The following POLN variants were observed in gnomAD, a reference collection of about 807,000 sequenced individuals.
The protein encoded by POLN is DNA polymerase nu.
Under a neutral mutation model 113.5 loss-of-function variants are expected in POLN, and 108 were observed. The ratio of observed to expected loss-of-function variants is 0.95; its 90% CI spans 0.81 to 1.12. The LOEUF (loss-of-function observed/expected upper bound fraction) is 1.12. Among genes scored for constraint, POLN ranks in the 50% most tolerant of loss-of-function variants. POLN has a pLI of 0.00. For synonymous variants in POLN, 386 were observed against 391.5 expected (o/e 0.99, Z 0.17); for missense variants, 1,097 against 1,077.1 (o/e 1.02, Z -0.26).
rs1396056109 is a variant in POLN, at chr4:2,127,784, G to A, written c.1982+329C>T. The stretch of plus-strand genomic sequence containing the variant: ...GCAGCAAGCACCTTGGCTCTCCTCG[G>A]AGGGCAGTGGCTCACAGCCAGCACC... On this transcript the variant is annotated intron_variant, in intron 19 of 25. Coordinates refer to ENST00000511885, the MANE Select transcript of POLN (RefSeq NM_181808.4). The surrounding 1 kb of genome is among the most constrained non-coding windows in gnomAD (Gnocchi z 4.7). Among the ~76,000 whole-genome samples the A allele has an allele frequency of 1.3e-5, 2 of 152,266 alleles. No homozygotes were observed. The highest frequency in any genetic ancestry group is 2.9e-5 in the Non-Finnish European group (2 of 68,050).
At chr4:2,196,318 G>A (rs142760920) in intron 6 of POLN, among the ~76,000 whole-genome samples, 58 of 152,202 alleles carry the variant, frequency 3.8e-4, no homozygotes, top group African/African-American at 1.3e-3. Context: ...GAAGTGCTGC[G>A]CAAAACAAGC....
At chr4:2,084,256 C>T (rs1447379436) in intron 21 of POLN, among the ~76,000 whole-genome samples, 1 of 152,234 alleles carries the variant, frequency 6.6e-6, no homozygotes, top group Non-Finnish European at 1.5e-5. Context: ...TGGAGTGTCA[C>T]GTATGGTCTG....
chr4:2,205,580 A>C (rs930282320), intron 5 of POLN, among the ~76,000 whole-genome samples: 1 of 152,176 alleles, frequency 6.6e-6, no homozygotes, highest in Non-Finnish European at 1.5e-5. Flanking sequence ...CAGAACTATA[A>C]AAAACAGTCC....
At position 2,157,917 on chromosome 4, in the gene POLN, G is replaced by A. The variant is rs1561051106; in HGVS notation, c.1612-6C>T. On this transcript the variant is annotated splice_region_variant and splice_polypyrimidine_tract_variant and intron_variant, in intron 14 of 25. Transcript: ENST00000511885. ...GTTGACTTGATCTTGTGAACCTAAG[G>A]TGGAAAGACAAGAATAATCATTTTC... 2 of 1,599,962 alleles carry A rather than the reference G, an allele frequency of 1.3e-6. No individual in the cohort carries two copies. The highest frequency in any genetic ancestry group is 1.3e-5 in the African/African-American group (1 of 74,576).
At chr4:2,191,428 G>A (rs889145635) in intron 7 of POLN, among the ~76,000 whole-genome samples, 3 of 152,130 alleles carry the variant, frequency 2.0e-5, no homozygotes, top group Non-Finnish European at 4.4e-5. Context: ...CAGTAAATCA[G>A]TAGAGTGACT....
rs1433791907 is a variant in POLN at position 2,170,748 on chromosome 4, G to T, written c.1485C>A (p.His495Gln). ...REILFGKLKL[H>Q]LLSQRNSLPR... ...GGAGACTGTTCCTTTGACTCAGCAGGTGCAGCTTTAACTTGCCAAAGAGGA... is the reference window on the plus strand; with the variant it reads ...GGAGACTGTTCCTTTGACTCAGCAGTTGCAGCTTTAACTTGCCAAAGAGGA... The change falls in exon 13 of 26, where the codon CAC becomes CAA. Residue 495 changes from histidine (H) to glutamine (Q), a missense_variant. Transcript: ENST00000511885. 1 of 1,614,066 alleles carries T rather than the reference G, an allele frequency of 6.2e-7. No homozygotes were observed. Among genetic ancestry groups the T allele is most frequent in the Non-Finnish European group, 8.5e-7 (1 of 1,180,020 alleles).
Position 2,240,547 on chromosome 4 carries a change from A to T in POLN, c.-13+973T>A, listed in dbSNP as rs1257196673. The stretch of plus-strand genomic sequence containing the variant: ...TCTTCTTTAGCATTTAACCTCAGAG[A>T]TTTGTGGCTAGTTACTGAAGCCATC... On this transcript the variant is annotated intron_variant, in intron 2 of 25. Coordinates refer to ENST00000511885, the MANE Select transcript of POLN (RefSeq NM_181808.4). 3 of 1,613,476 alleles carry T rather than the reference A, an allele frequency of 1.9e-6. No homozygotes were observed. In the African/African-American group the frequency reaches 4.0e-5, roughly 22 times the overall value.
At position 2,127,163 on chromosome 4, in the gene POLN, G is replaced by A. The variant is rs1303614100; in HGVS notation, c.1982+950C>T. 6.6e-6 allele frequency among the ~76,000 whole-genome samples: 1 copy of A among 151,058 alleles called. No homozygotes were observed. Among genetic ancestry groups the A allele is most frequent in the Admixed American group, 6.6e-5 (1 of 15,194 alleles). ...GGGTGAGGGGGCCATAGGGAGGGGTGAGGGGGCCGTAGGGGGAGCAGAAGA... is the reference window on the plus strand; with the variant it reads ...GGGTGAGGGGGCCATAGGGAGGGGTAAGGGGGCCGTAGGGGGAGCAGAAGA... On this transcript the variant is annotated intron_variant, in intron 19 of 25. Transcript: ENST00000511885. The surrounding 1 kb of genome is among the most constrained non-coding windows in gnomAD (Gnocchi z 4.7).
At chr4:2,200,510 G>A (rs773546853) in intron 5 of POLN, among the ~76,000 whole-genome samples, 13 of 152,170 alleles carry the variant, frequency 8.5e-5, no homozygotes, top group East Asian at 3.8e-4. Context: ...ATCCACAACC[G>A]AAAGACCCAC....
chr4:2,098,123 G>A (rs1004600101), intron 19 of POLN, among the ~76,000 whole-genome samples: 2 of 152,178 alleles, frequency 1.3e-5, no homozygotes, highest in African/African-American at 4.8e-5. Context: ...GAAGCAAAAA[G>A]CCAAAATGGG....
intron 13 of POLN, among the ~76,000 whole-genome samples, chr4:2,159,748 C>T (rs888614903): frequency 1.3e-5 from 2 of 152,192 alleles, no homozygotes; most frequent in African/African-American, 4.8e-5. Flanking sequence ...ACCACCTGGA[C>T]TTCTACCACA....
Position 2,072,168 on chromosome 4 carries a change from G to T in POLN, c.2649C>A (p.Ser883=), listed in dbSNP as rs763678138. The T allele has an allele frequency of 1.2e-6, 2 of 1,612,044 alleles. No homozygotes were observed. The highest frequency in any genetic ancestry group is 3.3e-5 in the Admixed American group (2 of 59,986). The part of the protein sequence containing the change: ...SPSNSLAAPG[S]PASTQPPPLH... The stretch of plus-strand genomic sequence containing the variant: ...GGGGTGGGGGCTGGGTGCTGGCAGG[G>T]GACCCAGGGGCAGCCAGGCTGTTGC... The change falls in exon 26 of 26, where the codon TCC becomes TCA. Residue 883 remains serine (S), a synonymous_variant. Coordinates refer to ENST00000511885, the MANE Select transcript of POLN (RefSeq NM_181808.4).
chr4:2,162,050 G>A (rs917595290), intron 13 of POLN, among the ~76,000 whole-genome samples: 1 of 152,196 alleles, frequency 6.6e-6, no homozygotes, highest in Non-Finnish European at 1.5e-5. Flanking sequence ...TCAGCAGGAT[G>A]TGGATAGGGC....
intron 18 of POLN, 24 bp downstream of exon 18, chr4:2,129,155 A>C (rs1561018883): frequency 6.5e-7 from 1 of 1,533,516 alleles, no homozygotes; most frequent in East Asian, 2.3e-5. Flanking sequence ...ATGAAAATGC[A>C]TAAAGCAAGC....
chr4:2,108,867 C>T (rs1018921521), intron 19 of POLN, among the ~76,000 whole-genome samples: 2 of 152,002 alleles, frequency 1.3e-5, no homozygotes, highest in Non-Finnish European at 1.5e-5. Flanking sequence ...ATGACAAAAT[C>T]GCTATGGTCC....
At chr4:2,203,705 G>A (rs1268589059) in intron 5 of POLN, among the ~76,000 whole-genome samples, 2 of 151,832 alleles carry the variant, frequency 1.3e-5, no homozygotes, top group East Asian at 3.9e-4. Flanking sequence ...ACACCTCAAG[G>A]AACTAGAGAA....
intron 17 of POLN, among the ~76,000 whole-genome samples, chr4:2,130,052 G>C (rs1731681995): frequency 6.6e-6 from 1 of 151,900 alleles, no homozygotes; most frequent in Non-Finnish European, 1.5e-5. Flanking sequence ...CCAGGAGTTT[G>C]AGACCAGCCT....
chr4:2,072,509 C>T (rs910647255), intron 25 of POLN, among the ~76,000 whole-genome samples: 1 of 152,234 alleles, frequency 6.6e-6, no homozygotes, highest in South Asian at 2.1e-4. Context: ...CTCCCAGTCA[C>T]GACACCTCGA....
chr4:2,096,364 C>G (rs1473230993), intron 19 of POLN, among the ~76,000 whole-genome samples: 1 of 152,178 alleles, frequency 6.6e-6, no homozygotes, highest in Non-Finnish European at 1.5e-5. Context: ...GTCCTGGCCT[C>G]CCACAGACAG....
Sources: allele counts gnomAD v4.1 joint callset (sites outside exome capture counted in the v4.1 genomes callset), GRCh38; gene constraint gnomAD v4.1.1; non-coding constraint Gnocchi (gnomAD v3.1); transcripts MANE v1.5; gene names NCBI Gene and HGNC (gene_info 2026-07-23, HGNC 2026-07-21).